JMJD7: variants seen among roughly 807,000 people sequenced by gnomAD.
JMJD7 encodes jumonji domain containing 7, also known as bifunctional peptidase and (3S)-lysyl hydroxylase JMJD7.
Under a neutral mutation model 41.1 loss-of-function variants are expected in JMJD7, and 41 were observed. The ratio of observed to expected loss-of-function variants is 1.00; its 90% CI spans 0.78 to 1.30. The LOEUF (loss-of-function observed/expected upper bound fraction) is 1.30. JMJD7 is among the 50% of genes most tolerant of loss of function. JMJD7 has a pLI of 0.00. For synonymous variants in JMJD7, 202 were observed against 177.2 expected (o/e 1.14, Z -1.11); for missense variants, 480 against 420.7 (o/e 1.14, Z -1.23).
Position 41,835,237 on chromosome 15 carries a change from G to C in JMJD7, c.472+14G>C. 6.3e-7 allele frequency: 1 copy of C among 1,593,962 alleles called. No individual in the cohort carries two copies. Among genetic ancestry groups the C allele is most frequent in the Non-Finnish European group, 8.5e-7 (1 of 1,177,686 alleles). ...CCGAAGCCCTGGGTGAGTGGAGGTG[G>C]GGTGGTCGTGGCCCTGGACAGGGAA... On this transcript the variant is annotated intron_variant, in intron 3 of 7. Coordinates refer to ENST00000397299, the MANE Select transcript of JMJD7 (RefSeq NM_001114632.2).
intron 6 of JMJD7, 100 bp from the exon 7 acceptor site, chr15:41,836,681 T>C: frequency 6.8e-7 from 1 of 1,477,034 alleles, no homozygotes; most frequent in Non-Finnish European, 9.0e-7. Flanking sequence ...CTTTCACTGC[T>C]GAGCCAAGCA....
intron 1 of JMJD7, among the ~76,000 whole-genome samples, chr15:41,829,648 G>A (rs1313237984): frequency 6.6e-6 from 1 of 152,190 alleles, no homozygotes; most frequent in Non-Finnish European, 1.5e-5. Context: ...GATCCCTTTT[G>A]AAATTTTCTC....
Position 41,834,871 on chromosome 15 carries a change from A to T in JMJD7, c.196A>T (p.Lys66Ter). ...NALQHWPALQKWSLPYFRATV... is the reference protein window; with the variant it reads ...NALQHWPALQ ...TCTGCAGCACTGGCCGGCCCTCCAG[A>T]AGTGGTCCCTCCCCTATTTCAGGTG... Residue 66 changes from lysine to a stop codon, truncating the protein, a stop_gained, in exon 2 of 8, where the codon AAG becomes TAG. Coordinates refer to ENST00000397299, the MANE Select transcript of JMJD7 (RefSeq NM_001114632.2). LOFTEE classifies it high-confidence loss of function. 1 of 1,614,062 alleles carries T rather than the reference A, an allele frequency of 6.2e-7. No homozygotes were observed. The highest frequency in any genetic ancestry group is 1.3e-5 in the African/African-American group (1 of 75,048).
intron 1 of JMJD7, among the ~76,000 whole-genome samples, chr15:41,829,805 C>G (rs952905248): frequency 6.6e-6 from 1 of 152,174 alleles, no homozygotes; most frequent in Admixed American, 6.5e-5. Flanking sequence ...GCAGTACTCA[C>G]GCCTGTAATC....
At chr15:41,835,475 A>C in intron 3 of JMJD7, 113 bp from the exon 4 acceptor site, 1 of 1,466,498 alleles carries the variant, frequency 6.8e-7, no homozygotes, top group Non-Finnish European at 9.2e-7. Flanking sequence ...CTTCTCCCTG[A>C]CCCCTTTCTT....
rs893556187 is a variant in JMJD7, at chr15:41,837,243, G to A, written c.*87G>A. The A allele has an allele frequency of 2.1e-5, 19 of 904,052 alleles. No individual in the cohort carries two copies. The Admixed American group carries it at 3.5e-4, about 17-fold the overall frequency. The allele number at this position is 904,052 out of a possible 1,614,324, so 56.0% of individuals were successfully genotyped here. ...AGGTCAATTCTCGAGAGAGCCTGGA[G>A]TGTGCATGCTGGCTGCTGGCCCCGG... On this transcript the variant is annotated 3_prime_UTR_variant, in exon 8 of 8. Transcript: ENST00000397299.
rs200436939 is a variant in JMJD7, at chr15:41,835,632, G to A, written c.517G>A (p.Ala173Thr). ...GAACTTCTGGCTGGGGGAGGCGGCT[G>A]CAGTGACTTCTTGTAGGTGTAAGGG... ...AVNFWLGEAA[A>T]VTSLHKDHYE... The change falls in exon 4 of 8, where the codon GCA becomes ACA. Residue 173 changes from alanine to threonine, a missense_variant. Transcript: ENST00000397299. 4.3e-6 allele frequency: 7 copies of A among 1,613,770 alleles called. No homozygotes were observed. Among genetic ancestry groups the A allele is most frequent in the East Asian group, 4.5e-5 (2 of 44,866 alleles).
In JMJD7 at chr15:41,835,146, G is replaced by C; in HGVS notation, c.395G>C (p.Cys132Ser). 1 of 1,607,802 alleles carries C rather than the reference G, an allele frequency of 6.2e-7. No individual in the cohort carries two copies. The highest frequency in any genetic ancestry group is 1.3e-5 in the African/African-American group (1 of 75,054). Reference protein sequence around the residue: ...HPGVLYVQKQCSNLPSELPQL... With the variant: ...HPGVLYVQKQSSNLPSELPQL... Reference sequence around the variant, plus strand: ...GGAGTCCTCTATGTGCAGAAGCAGTGCTCCAACCTGCCCAGCGAGCTGCCC... The same window carrying C: ...GGAGTCCTCTATGTGCAGAAGCAGTCCTCCAACCTGCCCAGCGAGCTGCCC... The change falls in exon 3 of 8, where the codon TGC becomes TCC. Residue 132 changes from cysteine (C) to serine (S), a missense_variant. Coordinates refer to ENST00000397299, the MANE Select transcript of JMJD7 (RefSeq NM_001114632.2).
intron 1 of JMJD7, 76 bp from the exon 2 acceptor site, chr15:41,834,664 G>A: frequency 1.3e-6 from 2 of 1,562,460 alleles, no homozygotes; most frequent in Non-Finnish European, 1.7e-6. Flanking sequence ...GCCTTTCCAG[G>A]GAGGGCATCT....
chr15:41,831,795 T>C (rs965047043), intron 1 of JMJD7, among the ~76,000 whole-genome samples: 1 of 152,176 alleles, frequency 6.6e-6, no homozygotes, highest in Non-Finnish European at 1.5e-5. Flanking sequence ...ACCCTCTGCT[T>C]GTCTGTGTGT....
At position 41,836,572 on chromosome 15, in the gene JMJD7, C is replaced by A. The variant is rs758231246; in HGVS notation, c.702+21C>A. 9 of 1,544,444 alleles carry A rather than the reference C, an allele frequency of 5.8e-6. No individual in the cohort carries two copies. The African/African-American group carries it at 1.1e-4, about 19-fold the overall frequency. Reference sequence around the variant, plus strand: ...AGAAGGTGTCTGTCCTGTTCTTGGGCTCTAGGGAGGGAGAAGGGCAGAAGC... The same window carrying A: ...AGAAGGTGTCTGTCCTGTTCTTGGGATCTAGGGAGGGAGAAGGGCAGAAGC... On this transcript the variant is annotated intron_variant, in intron 6 of 7. Transcript: ENST00000397299.
intron 6 of JMJD7, 75 bp downstream of exon 6, chr15:41,836,626 C>T (rs756602146): frequency 6.8e-7 from 1 of 1,478,358 alleles, no homozygotes; most frequent in Non-Finnish European, 9.0e-7. Context: ...CACAAAAGAT[C>T]TGGGGAGGTG....
At chr15:41,834,420 T>C (rs993126283) in intron 1 of JMJD7, among the ~76,000 whole-genome samples, 1 of 152,242 alleles carries the variant, frequency 6.6e-6, no homozygotes, top group African/African-American at 2.4e-5. Context: ...TGGTAGATGC[T>C]AGGAGGCTGG....
intron 1 of JMJD7, among the ~76,000 whole-genome samples, chr15:41,830,516 C>G (rs1435179641): frequency 6.6e-6 from 1 of 152,206 alleles, no homozygotes; most frequent in Non-Finnish European, 1.5e-5. Flanking sequence ...GGAGTGGGAG[C>G]TCCCTAGGCG....
At chr15:41,835,363 C>T in intron 3 of JMJD7, 140 bp downstream of exon 3, 7 of 1,368,186 alleles carry the variant, frequency 5.1e-6, no homozygotes, top group Non-Finnish European at 6.8e-6. Flanking sequence ...AAATACATTC[C>T]CAGGCCTTGA....
intron 1 of JMJD7, 125 bp from the exon 2 acceptor site, chr15:41,834,615 C>T: frequency 2.1e-6 from 3 of 1,422,764 alleles, no homozygotes; most frequent in Middle Eastern, 1.8e-4. Context: ...GTCCAGGGTC[C>T]TTTGGTCACC....
At chr15:41,829,617 T>C (rs940207586) in intron 1 of JMJD7, among the ~76,000 whole-genome samples, 3 of 152,224 alleles carry the variant, frequency 2.0e-5, no homozygotes, top group Non-Finnish European at 4.4e-5. Flanking sequence ...AGCAGAGTTA[T>C]GGGGTCAAAG....
At chr15:41,835,795 G>A in intron 4 of JMJD7, 151 bp downstream of exon 4, 1 of 987,670 alleles carries the variant, frequency 1.0e-6, no homozygotes, top group Non-Finnish European at 1.5e-6. Context: ...ACCACAGAGG[G>A]TTTCCCCTGA....
chr15:41,828,181 T>C lies in JMJD7; in HGVS notation c.57T>C (p.Ala19=). 6.7e-7 allele frequency: 1 copy of C among 1,499,386 alleles called. No homozygotes were observed. Among genetic ancestry groups the C allele is most frequent in the Non-Finnish European group, 8.8e-7 (1 of 1,134,732 alleles). The allele number at this position is 1,499,386 out of a possible 1,614,324, so 92.9% of individuals were successfully genotyped here. A position where few individuals can be genotyped will look rare whatever the true frequency, so the allele number is the denominator to read the frequency against. ...VRSELREFPA[A]ARELCVPLAV... ...GCGAGTTACGAGAATTCCCGGCCGCTGCAAGGGGTGAGTGGCTCTCCCACA... is the reference window on the plus strand; with the variant it reads ...GCGAGTTACGAGAATTCCCGGCCGCCGCAAGGGGTGAGTGGCTCTCCCACA... Residue 19 remains alanine, a synonymous_variant, in exon 1 of 8, where the codon GCT becomes GCC. Transcript: ENST00000397299.
Sources: allele counts gnomAD v4.1 joint callset (sites outside exome capture counted in the v4.1 genomes callset), GRCh38; gene constraint gnomAD v4.1.1; transcripts MANE v1.5; gene names NCBI Gene and HGNC (gene_info 2026-07-23, HGNC 2026-07-21).